The following SDK1 variants were observed in gnomAD, a reference collection of about 807,000 sequenced individuals.
The protein encoded by SDK1 is protein sidekick-1.
SDK1 carries 157 observed loss-of-function variants against 245.5 expected under a neutral mutation model. The ratio of observed to expected loss-of-function variants is 0.64; its 90% CI spans 0.56 to 0.73. SDK1 has a LOEUF of 0.73. SDK1 is among the 30% of genes least tolerant of loss of function. The probability of loss-of-function intolerance (pLI) is 0.00; values close to 1 mark genes in which losing one functional copy is unlikely to be tolerated. For missense variants in SDK1, 3,583 were observed against 3,002.3 expected, an observed-to-expected ratio of 1.19 and a Z score of -4.52; for synonymous variants, 1,647 against 1,278.5, an observed-to-expected ratio of 1.29 and a Z score of -6.15.
chr7:3,937,449 A>G (rs901775036), intron 5 of SDK1, among the ~76,000 whole-genome samples: 2 of 152,238 alleles, frequency 1.3e-5, no homozygotes, highest in African/African-American at 4.8e-5. Flanking sequence ...AGGCGGGATC[A>G]TCAGGGCAGT....
At chr7:3,631,920 G>GT (rs1782305801) in intron 2 of SDK1, among the ~76,000 whole-genome samples, 1 of 152,144 alleles carries the variant, frequency 6.6e-6, no homozygotes, top group Admixed American at 6.5e-5. Context: ...TGCTTATAAT[G>GT]TTTAATAGAG....
chr7:4,100,906 C>G (rs558371806), intron 22 of SDK1, among the ~76,000 whole-genome samples: 1 of 152,290 alleles, frequency 6.6e-6, no homozygotes, highest in East Asian at 1.9e-4. Context: ...TCATCTGCCC[C>G]TCCTTCCCTG....
At chr7:3,670,783 C>A (rs368044268) in intron 4 of SDK1, among the ~76,000 whole-genome samples, 1 of 152,278 alleles carries the variant, frequency 6.6e-6, no homozygotes, top group South Asian at 2.1e-4. Flanking sequence ...TCAGGACAGA[C>A]CCAGTTTATG....
At chr7:3,474,365 A>G (rs1781283504) in intron 1 of SDK1, among the ~76,000 whole-genome samples, 1 of 151,866 alleles carries the variant, frequency 6.6e-6, no homozygotes, top group Non-Finnish European at 1.5e-5. Flanking sequence ...AAGTGCTGGG[A>G]TTACAGGTGT....
chr7:3,834,102 A>G (rs766689395), intron 5 of SDK1, among the ~76,000 whole-genome samples: 3 of 152,204 alleles, frequency 2.0e-5, no homozygotes, highest in African/African-American at 7.2e-5. Context: ...TTCAATGTCT[A>G]TGTAGAAGAA....
intron 38 of SDK1, among the ~76,000 whole-genome samples, chr7:4,217,212 C>G (rs114850878): frequency 0.024 from 3,397 of 141,206 alleles, 99 homozygotes; most frequent in South Asian, 0.029. Context: ...CACCAGGCCA[C>G]CCAGAGCACC....
chr7:3,681,134 G>A (rs1423074379), intron 4 of SDK1, among the ~76,000 whole-genome samples: 4 of 152,090 alleles, frequency 2.6e-5, no homozygotes, highest in Non-Finnish European at 2.9e-5. Context: ...GAGCCACCGC[G>A]CCCGGCTGCC....
intron 1 of SDK1, among the ~76,000 whole-genome samples, chr7:3,418,997 G>T (rs2128580237): frequency 6.6e-6 from 1 of 152,282 alleles, no homozygotes; most frequent in South Asian, 2.1e-4. Context: ...GACAAAGAAT[G>T]TTATATCAAA....
chr7:3,858,199 T>C (rs1247353061), intron 5 of SDK1, among the ~76,000 whole-genome samples: 1 of 152,170 alleles, frequency 6.6e-6, no homozygotes, highest in Admixed American at 6.6e-5. Context: ...CGTTTTTGTG[T>C]GGTGAAAAGA....
intron 4 of SDK1, among the ~76,000 whole-genome samples, chr7:3,678,269 T>G (rs1171947384): frequency 6.6e-6 from 1 of 152,142 alleles, no homozygotes; most frequent in Non-Finnish European, 1.5e-5. Flanking sequence ...CACATCTAGG[T>G]ATATACCCCA....
intron 1 of SDK1, among the ~76,000 whole-genome samples, chr7:3,608,124 A>C (rs1261729657): frequency 6.6e-6 from 1 of 152,246 alleles, no homozygotes; most frequent in Non-Finnish European, 1.5e-5. Flanking sequence ...CATCCGTGCC[A>C]CACACCTATG....
chr7:3,718,552 T>C (rs1354698800), intron 4 of SDK1, among the ~76,000 whole-genome samples: 3 of 139,030 alleles, frequency 2.2e-5, no homozygotes, highest in Admixed American at 1.4e-4. Flanking sequence ...AATAAATAAA[T>C]AAATAAATAA....
At chr7:4,258,774 C>T (rs1010321261) in intron 44 of SDK1, among the ~76,000 whole-genome samples, 2 of 152,140 alleles carry the variant, frequency 1.3e-5, no homozygotes, top group African/African-American at 4.8e-5. Context: ...ACCCCCGGGA[C>T]CTGGGAATAT....
chr7:4,163,405 G>A (rs978511369), intron 32 of SDK1, among the ~76,000 whole-genome samples: 5 of 152,214 alleles, frequency 3.3e-5, no homozygotes, highest in Admixed American at 6.5e-5. Flanking sequence ...CTTGGAGGGC[G>A]AGGGGATGTC....
intron 4 of SDK1, among the ~76,000 whole-genome samples, chr7:3,674,640 G>T (rs542895562): frequency 1.3e-5 from 2 of 152,246 alleles, no homozygotes; most frequent in South Asian, 4.1e-4. Context: ...CCATAAATAC[G>T]GACAAAGGGC....
intron 28 of SDK1, among the ~76,000 whole-genome samples, chr7:4,141,684 AGTC>A (rs1164141511): frequency 6.6e-6 from 1 of 152,176 alleles, no homozygotes; most frequent in Admixed American, 6.5e-5. Flanking sequence ...GGCCCTCGTT[AGTC>A]GTCTGTCGGG....
At chr7:3,642,235 C>A (rs1346119385) in intron 4 of SDK1, 130 bp downstream of exon 4, 5 of 758,302 alleles carry the variant, frequency 6.6e-6, no homozygotes, top group East Asian at 5.8e-5. Context: ...GGAGTCCTAT[C>A]CTAATTTTTA....
chr7:4,262,081 G>A (rs1788053966), intron 44 of SDK1, among the ~76,000 whole-genome samples: 1 of 126,398 alleles, frequency 7.9e-6, no homozygotes, highest in Non-Finnish European at 1.6e-5. Flanking sequence ...CCAGGCTGGA[G>A]TGCAGTGGCG....
At chr7:3,329,327 C>T (rs950782472) in intron 1 of SDK1, among the ~76,000 whole-genome samples, 1 of 152,114 alleles carries the variant, frequency 6.6e-6, no homozygotes, top group African/African-American at 2.4e-5. Flanking sequence ...TGGGAGGAAA[C>T]AAGCTCCTTT....
Sources: gnomAD v4.1 joint callset for allele counts (sites outside exome capture counted in the v4.1 genomes callset) on GRCh38, gnomAD v4.1.1 for gene constraint, MANE v1.5 for transcripts, NCBI Gene and HGNC (gene_info 2026-07-23, HGNC 2026-07-21) for gene names.